The following NUBPL variants were observed in gnomAD, a reference collection of about 807,000 sequenced individuals.
NUBPL encodes NUBP iron-sulfur cluster assembly factor, mitochondrial.
NUBPL carries 31 observed loss-of-function variants against 45.7 expected under a neutral mutation model. That is an observed-to-expected ratio of 0.68 (90% CI 0.51 to 0.92). The LOEUF is 0.92. NUBPL is among the 40% of genes least tolerant of loss of function. The pLI is 0.00. For missense variants in NUBPL, 401 were observed against 398.7 expected (o/e 1.01, Z -0.05); for synonymous variants, 144 against 140.9 (o/e 1.02, Z -0.15).
At position 31,813,585 on chromosome 14, in the gene NUBPL, A is replaced by G. The variant is rs138396020; in HGVS notation, c.608-13044A>G. Reference sequence around the variant, plus strand: ...AAGTCCTGGGATACATGTGCAGAACATGCAGGTTTGTTACATAGATATACA... The same window carrying G: ...AAGTCCTGGGATACATGTGCAGAACGTGCAGGTTTGTTACATAGATATACA... On this transcript the variant is annotated intron_variant, in intron 7 of 10. Coordinates refer to ENST00000281081, the MANE Select transcript of NUBPL (RefSeq NM_025152.3). 1.8e-3 allele frequency among the ~76,000 whole-genome samples: 276 copies of G among 152,082 alleles called. 1 individual carries two copies. The highest frequency in any genetic ancestry group is 6.4e-3 in the African/African-American group (264 of 41,476).
intron 6 of NUBPL, among the ~76,000 whole-genome samples, chr14:31,678,398 G>A (rs946213480): frequency 2.0e-5 from 3 of 152,208 alleles, no homozygotes; most frequent in African/African-American, 7.2e-5. Context: ...GGAATGTGCT[G>A]TATCTTACCT....
At chr14:31,811,495 T>G (rs1469895868) in intron 7 of NUBPL, among the ~76,000 whole-genome samples, 1 of 152,206 alleles carries the variant, frequency 6.6e-6, no homozygotes, top group East Asian at 1.9e-4. Context: ...TTCTCTGCAC[T>G]GTTTATTCAG....
At chr14:31,836,200 G>A (rs572158535) in intron 8 of NUBPL, among the ~76,000 whole-genome samples, 1 of 152,170 alleles carries the variant, frequency 6.6e-6, no homozygotes, top group Non-Finnish European at 1.5e-5. Context: ...AGCCAGTGAT[G>A]GATTGGAATA....
intron 6 of NUBPL, among the ~76,000 whole-genome samples, chr14:31,714,254 C>T (rs1182735486): frequency 6.6e-6 from 1 of 151,812 alleles, no homozygotes; most frequent in Non-Finnish European, 1.5e-5. Context: ...CAGTGGTAGC[C>T]ATTTTGTGGC....
At chr14:31,793,164 ATCTC>A (rs1026873972) in intron 7 of NUBPL, among the ~76,000 whole-genome samples, 3 of 151,204 alleles carry the variant, frequency 2.0e-5, no homozygotes, top group Non-Finnish European at 4.4e-5. Flanking sequence ...TTGTAATTTG[ATCTC>A]TCTCTCCTTC....
intron 6 of NUBPL, among the ~76,000 whole-genome samples, chr14:31,733,353 C>A (rs2038095969): frequency 6.6e-6 from 1 of 152,060 alleles, no homozygotes. Context: ...ATTTCCATAG[C>A]AATTTTAGAA....
intron 6 of NUBPL, among the ~76,000 whole-genome samples, chr14:31,769,654 CTT>C (rs200176265): frequency 1.3e-5 from 2 of 149,182 alleles, no homozygotes; most frequent in African/African-American, 5.1e-5. Context: ...TAACCCTCTC[CTT>C]TTTTTTAAAA....
intron 6 of NUBPL, among the ~76,000 whole-genome samples, chr14:31,755,951 AG>A (rs2038651363): frequency 6.6e-6 from 1 of 152,034 alleles, no homozygotes; most frequent in South Asian, 2.1e-4. Flanking sequence ...TTTATTAAAT[AG>A]GGAATCCTTT....
chr14:31,609,809 C>T (rs1331079442), intron 4 of NUBPL, among the ~76,000 whole-genome samples: 2 of 151,902 alleles, frequency 1.3e-5, no homozygotes, highest in East Asian at 3.8e-4. Context: ...ACAATATGCT[C>T]CTGAATGACC....
Position 31,787,869 on chromosome 14 carries a change from A to G in NUBPL, c.603A>G (p.Ile201Met), listed in dbSNP as rs543089711. ...TATCAGTCTCACAGAATATTCCTAT[A>G]ACAGGTAAATCTTCAAAGTTTAAAG... ...VQLSVSQNIP[I>M]TGAVIVSTPQ... is the part of the protein sequence containing the mutation. Residue 201 changes from isoleucine (I) to methionine (M), a missense_variant, in exon 7 of 11, where the codon ATA becomes ATG. Transcript: ENST00000281081. 12 of 1,601,438 alleles carry G rather than the reference A, an allele frequency of 7.5e-6. No individual in the cohort carries two copies. The East Asian group carries it at 2.5e-4, about 33-fold the overall frequency.
At chr14:31,697,204 A>G (rs1273558716) in intron 6 of NUBPL, among the ~76,000 whole-genome samples, 1 of 152,256 alleles carries the variant, frequency 6.6e-6, no homozygotes, top group Non-Finnish European at 1.5e-5. Context: ...AGTAGGAAGC[A>G]TGCAGAAAGC....
chr14:31,695,680 G>T (rs1266051272), intron 6 of NUBPL, among the ~76,000 whole-genome samples: 1 of 152,136 alleles, frequency 6.6e-6, no homozygotes, highest in Non-Finnish European at 1.5e-5. Context: ...TTTCTTAATG[G>T]AATCATGCAG....
At chr14:31,809,373 A>G (rs1290798437) in intron 7 of NUBPL, among the ~76,000 whole-genome samples, 5 of 152,076 alleles carry the variant, frequency 3.3e-5, no homozygotes, top group African/African-American at 1.2e-4. Context: ...GAATTTATCC[A>G]TTTCTTCTAG....
chr14:31,640,545 G>A (rs1185449505), intron 4 of NUBPL, among the ~76,000 whole-genome samples: 1 of 151,176 alleles, frequency 6.6e-6, no homozygotes, highest in African/African-American at 2.4e-5. Flanking sequence ...AACCTGGGAG[G>A]TGGAGGTTGC....
At chr14:31,846,442 A>G (rs745352122) in intron 8 of NUBPL, 29 bp from the exon 9 acceptor site, 7 of 1,581,660 alleles carry the variant, frequency 4.4e-6, no homozygotes, top group Non-Finnish European at 6.0e-6. Context: ...GTTTAATTTT[A>G]TTTTGATTTC....
intron 2 of NUBPL, among the ~76,000 whole-genome samples, chr14:31,562,601 T>TG (rs962469528): frequency 8.0e-6 from 1 of 125,122 alleles, no homozygotes; most frequent in Non-Finnish European, 1.6e-5. Context: ...ACTTTTTTTT[T>TG]TTGTTTTTTT....
intron 6 of NUBPL, among the ~76,000 whole-genome samples, chr14:31,777,268 T>C (rs1167540085): frequency 6.6e-6 from 1 of 152,182 alleles, no homozygotes; most frequent in African/African-American, 2.4e-5. Context: ...TAGCATTGCA[T>C]CCCATCATGG....
At chr14:31,754,853 C>G (rs922688424) in intron 6 of NUBPL, among the ~76,000 whole-genome samples, 2 of 103,732 alleles carry the variant, frequency 1.9e-5, no homozygotes, top group Non-Finnish European at 3.7e-5. Flanking sequence ...CCCCCCTCCC[C>G]CCACCCCACA....
chr14:31,813,984 G>T lies in NUBPL; in HGVS notation c.608-12645G>T, dbSNP rs2039866424. Among the ~76,000 whole-genome samples the T allele has an allele frequency of 2.6e-5, 4 of 152,306 alleles. No homozygotes were observed. In the South Asian group the frequency reaches 8.3e-4, roughly 32 times the overall value. On this transcript the variant is annotated intron_variant, in intron 7 of 10. Transcript: ENST00000281081. ...AGCCTTTGCTATTGTGAACAGTGCT[G>T]CAATAAGCATACGTGTGCATGTGTC...
Sources: gnomAD v4.1 joint callset for allele counts (sites outside exome capture counted in the v4.1 genomes callset) on GRCh38, gnomAD v4.1.1 for gene constraint, MANE v1.5 for transcripts, NCBI Gene and HGNC (gene_info 2026-07-23, HGNC 2026-07-21) for gene names.